PPM1H: variants seen among roughly 807,000 people sequenced by gnomAD.
The protein encoded by PPM1H is protein phosphatase, Mg2+/Mn2+ dependent 1H.
A neutral mutation model predicts 54.9 loss-of-function variants in PPM1H; 27 were observed. That is an observed-to-expected ratio of 0.49 (90% CI 0.36 to 0.68). The LOEUF is 0.68. Among genes scored for constraint, PPM1H ranks in the 30% least tolerant of loss-of-function variants. The pLI, the probability that PPM1H is intolerant of heterozygous loss-of-function variation, is 0.00. For missense variants in PPM1H, 596 were observed against 667.8 expected (o/e 0.89, Z 1.19); for synonymous variants, 305 against 270.8 (o/e 1.13, Z -1.24).
At chr12:62,675,373 T>C (rs1409568554) in intron 8 of PPM1H, among the ~76,000 whole-genome samples, 1 of 152,236 alleles carries the variant, frequency 6.6e-6, no homozygotes, top group East Asian at 1.9e-4. Flanking sequence ...TTCCAATGGT[T>C]TGTTCACCAC....
At chr12:62,730,409 T>C (rs1445910336) in intron 5 of PPM1H, among the ~76,000 whole-genome samples, 1 of 152,180 alleles carries the variant, frequency 6.6e-6, no homozygotes, top group East Asian at 1.9e-4. Flanking sequence ...CCAAACTCTT[T>C]TTCAAAGGAG....
chr12:62,878,307 G>A (rs1445201943), intron 1 of PPM1H, among the ~76,000 whole-genome samples: 2 of 151,914 alleles, frequency 1.3e-5, no homozygotes, highest in Non-Finnish European at 2.9e-5. Flanking sequence ...CTTCATCCCC[G>A]CTTTGACCCC....
At chr12:62,759,574 G>A (rs555022092) in intron 4 of PPM1H, among the ~76,000 whole-genome samples, 33 of 152,270 alleles carry the variant, frequency 2.2e-4, no homozygotes, top group African/African-American at 7.0e-4. Context: ...TAATCATTGC[G>A]GGGACGCCTG....
At chr12:62,905,660 C>T (rs564661918) in intron 1 of PPM1H, among the ~76,000 whole-genome samples, 8 of 152,142 alleles carry the variant, frequency 5.3e-5, no homozygotes, top group Admixed American at 2.6e-4. Flanking sequence ...TACTAGTCCT[C>T]GGTAAGACAG....
intron 8 of PPM1H, among the ~76,000 whole-genome samples, chr12:62,673,715 C>A (rs201269722): frequency 2.4e-5 from 1 of 41,960 alleles, no homozygotes; most frequent in African/African-American, 6.9e-5. Flanking sequence ...AAGAGCCACT[C>A]TTTTTTTTTT....
intron 1 of PPM1H, among the ~76,000 whole-genome samples, chr12:62,901,836 T>C (rs564484470): frequency 3.9e-5 from 6 of 152,280 alleles, no homozygotes; most frequent in Admixed American, 3.3e-4. Flanking sequence ...TCCTTGAACC[T>C]GCAGGAGGGA....
chr12:62,722,143 T>C (rs1418566869), intron 5 of PPM1H, among the ~76,000 whole-genome samples: 2 of 152,124 alleles, frequency 1.3e-5, no homozygotes, highest in Non-Finnish European at 2.9e-5. Context: ...TACTATTTTA[T>C]TCTTTTTATT....
intron 2 of PPM1H, among the ~76,000 whole-genome samples, chr12:62,826,822 CTGTT>C (rs1180641873): frequency 6.6e-6 from 1 of 152,184 alleles, no homozygotes; most frequent in Middle Eastern, 3.2e-3. Flanking sequence ...CCTGTCAACT[CTGTT>C]TGCAGATAAA....
At chr12:62,854,478 G>A (rs12321359) in intron 1 of PPM1H, among the ~76,000 whole-genome samples, 3,067 of 152,138 alleles carry the variant, frequency 0.02, 100 homozygotes, top group African/African-American at 0.07. Flanking sequence ...ACAGGGGTGG[G>A]GGTGGGCAGG....
chr12:62,690,195 TCCATCCACCCAC>T (rs1182472301), intron 7 of PPM1H, among the ~76,000 whole-genome samples: 1 of 152,072 alleles, frequency 6.6e-6, no homozygotes, highest in East Asian at 1.9e-4. Context: ...CATCCATCCA[TCCATCCACCCAC>T]CCATCCACAC....
intron 2 of PPM1H, among the ~76,000 whole-genome samples, chr12:62,828,487 T>A (rs1334635233): frequency 2.0e-5 from 3 of 152,214 alleles, no homozygotes; most frequent in Non-Finnish European, 2.9e-5. Flanking sequence ...TTCTCAGTGA[T>A]GCCTTCATTA....
At chr12:62,854,408 C>G (rs1869307251) in intron 1 of PPM1H, among the ~76,000 whole-genome samples, 1 of 152,150 alleles carries the variant, frequency 6.6e-6, no homozygotes, top group Non-Finnish European at 1.5e-5. Context: ...TTTGATCACT[C>G]TCCACAAGCT....
At chr12:62,694,132 T>C (rs2076100209) in intron 6 of PPM1H, 133 bp from the exon 7 acceptor site, 3 of 733,890 alleles carry the variant, frequency 4.1e-6, no homozygotes, top group Non-Finnish European at 7.0e-6. Flanking sequence ...TCTTCCTTTA[T>C]AGGGAGTTGT....
chr12:62,823,474 A>G (rs2076916861), intron 2 of PPM1H, among the ~76,000 whole-genome samples: 1 of 152,198 alleles, frequency 6.6e-6, no homozygotes, highest in South Asian at 2.1e-4. Context: ...AATATTCCTG[A>G]TGAACATCGA....
At chr12:62,738,735 C>T (rs1249876659) in intron 4 of PPM1H, among the ~76,000 whole-genome samples, 1 of 152,162 alleles carries the variant, frequency 6.6e-6, no homozygotes, top group Non-Finnish European at 1.5e-5. Context: ...TGACATGCTT[C>T]TCAGTGAGGA....
At chr12:62,716,396 A>G (rs2076234718) in intron 6 of PPM1H, among the ~76,000 whole-genome samples, 2 of 152,220 alleles carry the variant, frequency 1.3e-5, no homozygotes, top group South Asian at 4.1e-4. Context: ...TAAAGCTCTC[A>G]TCATAGTGTC....
intron 8 of PPM1H, among the ~76,000 whole-genome samples, chr12:62,678,613 G>A (rs577563462): frequency 1.9e-4 from 29 of 152,238 alleles, no homozygotes; most frequent in African/African-American, 7.0e-4. Flanking sequence ...TAGAGATGGA[G>A]ATGGACAGGC....
intron 1 of PPM1H, among the ~76,000 whole-genome samples, chr12:62,860,060 A>C (rs1271743829): frequency 1.5e-5 from 2 of 133,764 alleles, no homozygotes; most frequent in Admixed American, 1.4e-4. Context: ...TAATTTATTT[A>C]AAAAACAGGT....
intron 4 of PPM1H, among the ~76,000 whole-genome samples, chr12:62,770,966 T>C (rs899005010): frequency 6.6e-6 from 1 of 151,832 alleles, no homozygotes; most frequent in Admixed American, 6.6e-5. Context: ...GCAATGCAGC[T>C]CTAGGCTTCT....
Sources: allele counts gnomAD v4.1 joint callset (sites outside exome capture counted in the v4.1 genomes callset), GRCh38; gene constraint gnomAD v4.1.1; transcripts MANE v1.5; gene names NCBI Gene and HGNC (gene_info 2026-07-23, HGNC 2026-07-21).